Variants in STXBP4 observed in about 807,000 individuals in gnomAD.
The protein encoded by STXBP4 is syntaxin binding protein 4.
A neutral mutation model predicts 76.1 loss-of-function variants in STXBP4; 55 were observed. The observed-to-expected ratio is 0.72, with a 90% confidence interval of 0.58 to 0.91. The LOEUF is 0.91. Among genes scored for constraint, STXBP4 ranks in the 40% least tolerant of loss-of-function variants. The pLI is 0.00. For missense variants in STXBP4, 618 were observed against 636.9 expected (o/e 0.97, Z 0.32); for synonymous variants, 201 against 220.2 (o/e 0.91, Z 0.77).
chr17:55,020,201 T>G lies in STXBP4; in HGVS notation c.667-10967T>G, dbSNP rs151224736. The stretch of plus-strand genomic sequence containing the variant: ...GTCTTTCAGGCCTCTCCTTCATATT[T>G]TGCATCTTCTTATCTATCTGTGCTG... On this transcript the variant is annotated intron_variant, in intron 8 of 17. Transcript: ENST00000376352. 5.6e-3 allele frequency among the ~76,000 whole-genome samples: 846 copies of G among 152,298 alleles called. 9 individuals carry two copies. Among genetic ancestry groups the G allele is most frequent in the African/African-American group, 0.018 (749 of 41,578 alleles).
At chr17:55,024,996 C>G (rs113217571) in intron 8 of STXBP4, among the ~76,000 whole-genome samples, 31,153 of 151,674 alleles carry the variant, frequency 0.21, 3,342 homozygotes, top group Middle Eastern at 0.34. Context: ...AAAAAATTAG[C>G]CGGGCATGGT....
intron 16 of STXBP4, among the ~76,000 whole-genome samples, chr17:55,110,695 C>T (rs1048631146): frequency 1.3e-5 from 2 of 152,118 alleles, no homozygotes; most frequent in Non-Finnish European, 2.9e-5. Context: ...TGAAAGCAGC[C>T]ATAGATAATA....
intron 8 of STXBP4, among the ~76,000 whole-genome samples, chr17:55,021,483 C>T (rs923609474): frequency 1.3e-5 from 2 of 152,056 alleles, no homozygotes; most frequent in African/African-American, 4.8e-5. Flanking sequence ...ATGATCATGC[C>T]ACTGTACTCC....
intron 7 of STXBP4, among the ~76,000 whole-genome samples, chr17:55,003,846 A>G (rs1368652606): frequency 1.3e-5 from 2 of 152,150 alleles, no homozygotes; most frequent in East Asian, 3.9e-4. Context: ...TGAGCTAACA[A>G]TATACTAAAG....
chr17:55,122,608 G>T (rs1408126905), intron 16 of STXBP4, among the ~76,000 whole-genome samples: 1 of 152,152 alleles, frequency 6.6e-6, no homozygotes, highest in Non-Finnish European at 1.5e-5. Flanking sequence ...AATGAATTCA[G>T]ATTTTACTCC....
chr17:55,198,790 A>G, the STXBP4 span, among the ~76,000 whole-genome samples: 1 of 152,216 alleles, frequency 6.6e-6, no homozygotes, highest in African/African-American at 2.4e-5. Context: ...TAAACAAACT[A>G]AAGAGTATTA....
chr17:55,051,571 A>G (rs2078859582), intron 12 of STXBP4, among the ~76,000 whole-genome samples: 1 of 152,186 alleles, frequency 6.6e-6, no homozygotes, highest in African/African-American at 2.4e-5. Context: ...ATGAAAAAGA[A>G]AAGATAAAAT....
intron 8 of STXBP4, among the ~76,000 whole-genome samples, chr17:55,019,636 T>C (rs1033861125): frequency 4.6e-5 from 7 of 152,208 alleles, no homozygotes; most frequent in Non-Finnish European, 7.3e-5. Flanking sequence ...TTGTTCTGTT[T>C]TGCATTTCTG....
chr17:55,198,290 T>C, the STXBP4 span, among the ~76,000 whole-genome samples: 1 of 152,172 alleles, frequency 6.6e-6, no homozygotes, highest in Admixed American at 6.5e-5. Context: ...CTGGTCCTTT[T>C]GTTACTTAGG....
chr17:55,191,063 C>G, the STXBP4 span, among the ~76,000 whole-genome samples: 1 of 152,246 alleles, frequency 6.6e-6, no homozygotes, highest in South Asian at 2.1e-4. Flanking sequence ...TTCAAAGTAT[C>G]TTCATATTCC....
chr17:54,984,760 A>G lies in STXBP4; in HGVS notation c.-156-854A>G, dbSNP rs145135354. Among the ~76,000 whole-genome samples, 253 of 152,262 alleles carry G rather than the reference A, an allele frequency of 1.7e-3. 2 individuals carry two copies. The highest frequency in any genetic ancestry group is 3.1e-3 in the Non-Finnish European group (209 of 68,024). On this transcript the variant is annotated intron_variant, in intron 1 of 17. Transcript: ENST00000376352. ...TTGATTCTCCTCAGCTTTTCAGAGG[A>G]TATCAGCTTTCTTTACCTTAGTATG...
At chr17:54,971,487 A>G (rs1265045268) in intron 1 of STXBP4, among the ~76,000 whole-genome samples, 1 of 152,206 alleles carries the variant, frequency 6.6e-6, no homozygotes, top group African/African-American at 2.4e-5. Flanking sequence ...AAGGACACCA[A>G]TCCCATGAGA....
intron 12 of STXBP4, among the ~76,000 whole-genome samples, chr17:55,071,789 C>T (rs1422770044): frequency 6.6e-6 from 1 of 152,090 alleles, no homozygotes; most frequent in African/African-American, 2.4e-5. Context: ...TAGGCTCAAA[C>T]AAAAGCAAAT....
intron 1 of STXBP4, 25 bp downstream of exon 1, chr17:54,968,840 C>T: frequency 5.0e-6 from 3 of 597,590 alleles, no homozygotes; most frequent in Non-Finnish European, 8.9e-6. Context: ...TGCTTTGTGA[C>T]TGTTACTCCC....
At chr17:55,151,508 A>C (rs4793786) in intron 17 of STXBP4, among the ~76,000 whole-genome samples, 46,506 of 152,024 alleles carry the variant, frequency 0.31, 7,376 homozygotes, top group African/African-American at 0.35. Context: ...TTCTTTGATC[A>C]TGCCTGCACT....
intron 10 of STXBP4, among the ~76,000 whole-genome samples, chr17:55,041,101 G>A (rs968448608): frequency 2.0e-5 from 3 of 151,952 alleles, no homozygotes; most frequent in Non-Finnish European, 4.4e-5. Flanking sequence ...TAGTACCATA[G>A]ATTCTTTTAC....
At chr17:54,978,794 A>C (rs993691939) in intron 1 of STXBP4, among the ~76,000 whole-genome samples, 3 of 152,198 alleles carry the variant, frequency 2.0e-5, no homozygotes, top group Non-Finnish European at 4.4e-5. Context: ...GTAAATAAAA[A>C]TAGTAGTTCC....
intron 12 of STXBP4, among the ~76,000 whole-genome samples, chr17:55,070,797 A>G (rs1262414978): frequency 6.6e-6 from 1 of 151,858 alleles, no homozygotes. Context: ...AGTGTGCCAC[A>G]TTTCTTCTTG....
chr17:55,120,897 G>A (rs965094128), intron 16 of STXBP4, among the ~76,000 whole-genome samples: 1 of 152,118 alleles, frequency 6.6e-6, no homozygotes, highest in Non-Finnish European at 1.5e-5. Flanking sequence ...CTCAAAGGAG[G>A]CACTATGTTC....
Sources: gnomAD v4.1 joint callset for allele counts (sites outside exome capture counted in the v4.1 genomes callset) on GRCh38, gnomAD v4.1.1 for gene constraint, MANE v1.5 for transcripts, NCBI Gene and HGNC (gene_info 2026-07-23, HGNC 2026-07-21) for gene names.